Variants in TXK observed in about 807,000 individuals in gnomAD.
TXK encodes the protein TXK tyrosine kinase, also known as tyrosine-protein kinase TXK.
TXK carries 60 observed loss-of-function variants against 81.0 expected under a neutral mutation model. The observed-to-expected ratio is 0.74, with a 90% CI of 0.60 to 0.92. The LOEUF (loss-of-function observed/expected upper bound fraction) is 0.92. Among genes scored for constraint, TXK ranks in the 40% least tolerant of loss-of-function variants. The probability of loss-of-function intolerance (pLI) is 0.00; values close to 1 mark genes in which losing one functional copy is unlikely to be tolerated. For synonymous variants in TXK, 203 were observed against 210.7 expected, an observed-to-expected ratio of 0.96 and a Z score of 0.32; for missense variants, 581 against 638.3, an observed-to-expected ratio of 0.91 and a Z score of 0.97.
At chr4:48,095,330 C>A (rs1717941256) in intron 6 of TXK, 108 bp from the exon 7 acceptor site, 3 of 717,178 alleles carry the variant, frequency 4.2e-6, no homozygotes, top group Admixed American at 2.8e-5. Context: ...AATAAGTGAC[C>A]TGCTATATTA....
At chr4:48,104,976 ATTT>A in intron 5 of TXK, 21 bp from the exon 6 acceptor site, 2 of 1,545,626 alleles carry the variant, frequency 1.3e-6, no homozygotes, top group Non-Finnish European at 1.8e-6. Flanking sequence ...AATAAAAATG[ATTT>A]TTAAATTTTA....
intron 14 of TXK, 83 bp downstream of exon 14, chr4:48,071,434 T>A (rs1054846465): frequency 3.6e-6 from 5 of 1,381,088 alleles, no homozygotes; most frequent in Non-Finnish European, 5.0e-6. Flanking sequence ...CATGACAGAG[T>A]TCTGAAGTAA....
intron 6 of TXK, among the ~76,000 whole-genome samples, chr4:48,099,120 T>C (rs532390106): frequency 1.3e-5 from 2 of 152,300 alleles, no homozygotes; most frequent in African/African-American, 4.8e-5. Context: ...GATTGTATAC[T>C]GGAAGCCCAA....
At position 48,071,512 on chromosome 4, in the gene TXK, C is replaced by T. The variant is rs1332826472; in HGVS notation, c.1515+5G>A. ...AACCTTCATAGGAAAGTAACATATGCTTACCTCATGCCAGCAGCTGTACAT... is the reference window on the plus strand; with the variant it reads ...AACCTTCATAGGAAAGTAACATATGTTTACCTCATGCCAGCAGCTGTACAT... On this transcript the variant is annotated splice_donor_5th_base_variant and intron_variant, in intron 14 of 14. Transcript: ENST00000264316. The T allele has an allele frequency of 3.7e-6, 6 of 1,611,568 alleles. No individual in the cohort carries two copies. The South Asian group carries it at 4.4e-5, about 12-fold the overall frequency.
rs71654888 is a variant in TXK, at chr4:48,069,333, T to TTCTTTTC, written c.1516-1629_1516-1628insGAAAAGA. Among the ~76,000 whole-genome samples, 63 of 141,052 alleles carry TTCTTTTC rather than the reference T, an allele frequency of 4.5e-4. No individual in the cohort carries two copies. In the East Asian group the frequency reaches 9.2e-3, roughly 21 times the overall value. 92.5% of individuals were successfully genotyped at this position (141,052 alleles called of 152,430 possible). A position where few individuals can be genotyped will look rare whatever the true frequency, so the allele number is the denominator to read the frequency against. On this transcript the variant is annotated intron_variant, in intron 14 of 14. Coordinates refer to ENST00000264316, the MANE Select transcript of TXK (RefSeq NM_003328.3). Reference sequence around the variant, plus strand: ...AAATCAATCTTTTCTTTTCTTTTTTTTTTTTTTTTTTTGAGACAGTCTGGC... The same window carrying TTCTTTTC: ...AAATCAATCTTTTCTTTTCTTTTTTTTCTTTTCTTTTTTTTTTTTGAGACAGTCTGGC...
At chr4:48,094,271 AAAC>A in intron 7 of TXK, 67 bp from the exon 8 acceptor site, 2 of 1,562,278 alleles carry the variant, frequency 1.3e-6, no homozygotes, top group East Asian at 2.2e-5. Context: ...CCAACTCATT[AAAC>A]AACAGGACTC....
intron 13 of TXK, 31 bp from the exon 14 acceptor site, chr4:48,071,705 T>A: frequency 6.2e-7 from 1 of 1,608,066 alleles, no homozygotes; most frequent in Non-Finnish European, 8.5e-7. Context: ...AAACAAGGGG[T>A]TAGAGAGAAA....
At chr4:48,129,894 T>C (rs1217320517) in intron 1 of TXK, among the ~76,000 whole-genome samples, 1 of 152,138 alleles carries the variant, frequency 6.6e-6, no homozygotes, top group African/African-American at 2.4e-5. Flanking sequence ...CAGCTTGTGA[T>C]GTGAAGAAGT....
At chr4:48,119,701 TG>T (rs1250765386) in intron 1 of TXK, among the ~76,000 whole-genome samples, 2 of 152,244 alleles carry the variant, frequency 1.3e-5, no homozygotes, top group African/African-American at 2.4e-5. Context: ...GGATTTCAGC[TG>T]CTTCTGACTG....
chr4:48,116,609 A>G (rs1386586311), intron 1 of TXK, among the ~76,000 whole-genome samples: 1 of 152,224 alleles, frequency 6.6e-6, no homozygotes, highest in African/African-American at 2.4e-5. Context: ...TCTGTGGCCC[A>G]GGCCACCTGG....
chr4:48,084,365 G>A (rs967298487), intron 10 of TXK, among the ~76,000 whole-genome samples: 2 of 151,944 alleles, frequency 1.3e-5, no homozygotes, highest in African/African-American at 4.8e-5. Context: ...GAATGAATCA[G>A]GGGAAATATT....
chr4:48,075,806 C>T (rs1717048904), intron 12 of TXK, among the ~76,000 whole-genome samples: 1 of 152,094 alleles, frequency 6.6e-6, no homozygotes, highest in South Asian at 2.1e-4. Flanking sequence ...AGCCACCTCA[C>T]TACCAGTACT....
Position 48,086,572 on chromosome 4 carries a change from C to T in TXK, c.850G>A (p.Val284Met). The change falls in exon 10 of 15, where the codon GTG (valine) becomes ATG (methionine). Residue 284 changes from valine to methionine, a missense_variant. By Grantham distance (21) the Val-to-Met change is conservative (BLOSUM62 1). Coordinates refer to ENST00000264316, the MANE Select transcript of TXK (RefSeq NM_003328.3). ...GACCGCCATTCACCTAAATGGACCA[C>T]TCCAAACTGACCGCTTCCAATCTCC... is the stretch of plus-strand genomic sequence containing the variant. ...IKEIGSGQFG[V>M]VHLGEWRSHI... The T allele has an allele frequency of 6.2e-7, 1 of 1,614,116 alleles. No individual in the cohort carries two copies. Among genetic ancestry groups the T allele is most frequent in the Non-Finnish European group, 8.5e-7 (1 of 1,179,988 alleles).
intron 1 of TXK, among the ~76,000 whole-genome samples, chr4:48,119,040 G>A (rs886742084): frequency 4.6e-5 from 7 of 152,184 alleles, no homozygotes; most frequent in African/African-American, 1.4e-4. Context: ...GTAAAATAGA[G>A]CAGAGATCAC....
intron 1 of TXK, among the ~76,000 whole-genome samples, chr4:48,120,329 TATATATACAC>T (rs1245167764): frequency 1.4e-5 from 2 of 148,054 alleles, no homozygotes; most frequent in African/African-American, 2.5e-5. Context: ...CATATATACG[TATATATACAC>T]ATATATACGT....
intron 6 of TXK, among the ~76,000 whole-genome samples, chr4:48,103,408 G>GC (rs1718279418): frequency 6.6e-6 from 1 of 152,174 alleles, no homozygotes; most frequent in Non-Finnish European, 1.5e-5. Flanking sequence ...TTTCCTCCAA[G>GC]CAAGTGAGGC....
chr4:48,087,290 G>A (rs772909037), intron 9 of TXK, among the ~76,000 whole-genome samples: 9 of 152,078 alleles, frequency 5.9e-5, no homozygotes, highest in Non-Finnish European at 1.2e-4. Context: ...TAATGGTTTA[G>A]TGTCTCCTTT....
chr4:48,077,646 GT>G (rs1717124417), intron 11 of TXK, among the ~76,000 whole-genome samples: 2 of 152,054 alleles, frequency 1.3e-5, no homozygotes, highest in Non-Finnish European at 2.9e-5. Context: ...GCTAGGTGGA[GT>G]TTACACCATA....
rs1303262030 is a variant in TXK, at chr4:48,104,213, TATATATATTATATATTATATTATATATA to T, written c.501+660_501+687del. Among the ~76,000 whole-genome samples the T allele has an allele frequency of 3.3e-5, 3 of 90,456 alleles. 1 individual carries two copies. The highest frequency in any genetic ancestry group is 4.8e-5 in the African/African-American group (1 of 20,828). The allele number at this position is 90,456 out of a possible 152,430, so 59.3% of individuals were successfully genotyped here. On this transcript the variant is annotated intron_variant, in intron 6 of 14. Transcript: ENST00000264316. ...GCGAGAGCATGTCTCAAAATATATA[TATATATATTATATATTATATTATATATA>T]ATATATATTTTATATATATAATATA...
Sources: allele counts gnomAD v4.1 joint callset (sites outside exome capture counted in the v4.1 genomes callset), GRCh38; gene constraint gnomAD v4.1.1; transcripts MANE v1.5; gene names NCBI Gene and HGNC (gene_info 2026-07-23, HGNC 2026-07-21).